Variants in AKAP12 observed in about 807,000 individuals in gnomAD.
AKAP12 encodes the protein A-kinase anchor protein 12.
In AKAP12, 32 loss-of-function variants were observed where a neutral mutation model predicts 79.9. That is an observed-to-expected ratio of 0.40 (90% CI 0.30 to 0.54). The LOEUF is 0.54. Ranked by LOEUF, AKAP12 falls within the 20% of genes least tolerant of loss-of-function variation. The pLI, the probability that AKAP12 is intolerant of heterozygous loss-of-function variation, is 0.48. For missense variants in AKAP12, 2,074 were observed against 2,177.0 expected, an observed-to-expected ratio of 0.95 and a Z score of 0.94; for synonymous variants, 808 against 857.0, an observed-to-expected ratio of 0.94 and a Z score of 1.00.
rs759786862 is a variant in AKAP12, at chr6:151,353,094, C to T, written c.4703C>T (p.Ala1568Val). Residue 1568 changes from alanine to valine, a missense_variant, in exon 4 of 5, where the codon GCC (alanine) becomes GTC (valine). Ala to Val is a moderately conservative substitution (Grantham distance 64). This residue lies in a region of AKAP12 where 614 missense variants were observed against 665.6 expected (regional missense o/e 0.92). Coordinates refer to ENST00000402676, the MANE Select transcript of AKAP12 (RefSeq NM_005100.4). ...VDQFVRTEET[A>V]TEMLTSELQT... is the part of the protein sequence containing the mutation. ...CAGTTTGTACGTACAGAAGAAACAG[C>T]CACCGAAATGTTGACGTCTGAGTTA... The T allele has an allele frequency of 3.3e-5, 53 of 1,614,074 alleles. No homozygotes were observed. The South Asian group carries it at 5.3e-4, about 16-fold the overall frequency.
chr6:151,324,290 C>T (rs1777469115), intron 3 of AKAP12: 1 of 985,374 alleles, frequency 1.0e-6, no homozygotes, highest in Non-Finnish European at 1.2e-6. Context: ...CGGGTATTTG[C>T]CAGGATGTGA....
intron 2 of AKAP12, among the ~76,000 whole-genome samples, chr6:151,278,711 A>G (rs1776335116): frequency 6.6e-6 from 1 of 151,396 alleles, no homozygotes; most frequent in African/African-American, 2.4e-5. Context: ...TCTGTCACCC[A>G]GGCTGGAGTG....
At chr6:151,257,163 GAGCGTAGTACCTA>G (rs1456321397) in intron 2 of AKAP12, among the ~76,000 whole-genome samples, 1 of 152,070 alleles carries the variant, frequency 6.6e-6, no homozygotes, top group Non-Finnish European at 1.5e-5. Flanking sequence ...CCCAGGTGCT[GAGCGTAGTACCTA>G]ATAGGTAGTT....
At position 151,240,218 on chromosome 6, in the gene AKAP12, A is replaced by C. The variant is rs370979837; in HGVS notation, c.-180+159A>C. ...GAGGGCCGGGTGGGCGGCTGCCTGG[A>C]CCTGGGCTGGCGCGTCGCAGCGCCT... On this transcript the variant is annotated intron_variant, in intron 1 of 4. Transcript: ENST00000402676. 3.3e-5 allele frequency among the ~76,000 whole-genome samples: 5 copies of C among 150,886 alleles called. No homozygotes were observed. The East Asian group carries it at 1.0e-3, about 30-fold the overall frequency.
At chr6:151,290,824 G>A (rs1443895735) in intron 2 of AKAP12, among the ~76,000 whole-genome samples, 1 of 152,114 alleles carries the variant, frequency 6.6e-6, no homozygotes, top group African/African-American at 2.4e-5. Context: ...TGGTCAGGCT[G>A]GTCTTGAACT....
chr6:151,333,237 C>T (rs1166542615), intron 3 of AKAP12, among the ~76,000 whole-genome samples: 1 of 152,104 alleles, frequency 6.6e-6, no homozygotes, highest in Non-Finnish European at 1.5e-5. Flanking sequence ...GCACTGGCTG[C>T]CTGTCCTGGA....
intron 2 of AKAP12, among the ~76,000 whole-genome samples, chr6:151,256,908 C>T (rs1797310421): frequency 6.6e-6 from 1 of 150,396 alleles, no homozygotes; most frequent in African/African-American, 2.5e-5. Flanking sequence ...CTCGGCCTCC[C>T]AACGTGTTGG....
Position 151,351,668 on chromosome 6 carries a change from G to A in AKAP12, c.3277G>A (p.Val1093Met). Residue 1093 changes from valine to methionine, a missense_variant, in exon 4 of 5, where the codon GTG (valine) becomes ATG (methionine). Around this residue, in one of 3 missense-constraint regions of AKAP12, gnomAD observed 1,428 missense variants for 1,451.0 expected, o/e 0.98. Coordinates refer to ENST00000402676, the MANE Select transcript of AKAP12 (RefSeq NM_005100.4). This position sits in a 1 kb window ranked among gnomAD's most constrained non-coding sequence, Gnocchi z 4.4. ...ASGLKKETDV[V>M]LKVDAQEAKT... ...GGGTCTGAAGAAAGAGACGGATGTAGTGTTGAAAGTAGATGCTCAGGAGGC... is the reference window on the plus strand; with the variant it reads ...GGGTCTGAAGAAAGAGACGGATGTAATGTTGAAAGTAGATGCTCAGGAGGC... The A allele has an allele frequency of 1.9e-6, 3 of 1,614,222 alleles. No individual in the cohort carries two copies. Among genetic ancestry groups the A allele is most frequent in the Non-Finnish European group, 2.5e-6 (3 of 1,180,054 alleles).
Position 151,304,175 on chromosome 6 carries a change from A to G in AKAP12, c.163-1572A>G, listed in dbSNP as rs970401628. On this transcript the variant is annotated intron_variant, in intron 2 of 4. Transcript: ENST00000402676. The stretch of plus-strand genomic sequence containing the variant: ...CTATTGGCTTAAAATTTTTTTACCT[A>G]TATTCTCAGGATTAAAAATACGACC... 4.6e-4 allele frequency among the ~76,000 whole-genome samples: 70 copies of G among 152,062 alleles called. 4 individuals are homozygous for G. The highest frequency in any genetic ancestry group is 1.2e-4 in the Non-Finnish European group (8 of 68,016).
intron 2 of AKAP12, among the ~76,000 whole-genome samples, chr6:151,291,200 C>T (rs2114736796): frequency 6.6e-6 from 1 of 152,258 alleles, no homozygotes; most frequent in Non-Finnish European, 1.5e-5. Flanking sequence ...TTGGAAACTA[C>T]TAATATGTGG....
intron 2 of AKAP12, among the ~76,000 whole-genome samples, chr6:151,277,898 G>A (rs759992334): frequency 2.0e-5 from 3 of 151,886 alleles, no homozygotes; most frequent in Non-Finnish European, 4.4e-5. Context: ...CGTAAGACAT[G>A]TTACGTCTTC....
chr6:151,263,664 C>T (rs1048568921), intron 2 of AKAP12, among the ~76,000 whole-genome samples: 11 of 152,176 alleles, frequency 7.2e-5, no homozygotes, highest in East Asian at 3.9e-4. Flanking sequence ...CTGCAACTTC[C>T]GCCTCCTGGG....
chr6:151,254,633 G>A (rs556698046), intron 2 of AKAP12, among the ~76,000 whole-genome samples: 3 of 152,122 alleles, frequency 2.0e-5, no homozygotes, highest in Non-Finnish European at 4.4e-5. Flanking sequence ...GAACCACTGC[G>A]CCTGGCCTTA....
intron 3 of AKAP12, among the ~76,000 whole-genome samples, chr6:151,334,828 G>T (rs1046097348): frequency 1.3e-5 from 2 of 151,796 alleles, no homozygotes; most frequent in Non-Finnish European, 1.5e-5. Flanking sequence ...TTTCTCCGTG[G>T]TAGCCAGGAT....
rs746735062 is a variant in AKAP12, at chr6:151,352,241, C to T, written c.3850C>T (p.Leu1284Phe). 1 of 1,614,096 alleles carries T rather than the reference C, an allele frequency of 6.2e-7. No individual in the cohort carries two copies. Among genetic ancestry groups the T allele is most frequent in the Non-Finnish European group, 8.5e-7 (1 of 1,180,024 alleles). The change falls in exon 4 of 5, where the codon CTT becomes TTT. Residue 1284 changes from leucine to phenylalanine, a missense_variant. Leu to Phe is a conservative substitution (Grantham distance 22). This residue lies in a region of AKAP12 where 614 missense variants were observed against 665.6 expected (regional missense o/e 0.92). Transcript: ENST00000402676. ...KTKDVPFFEG[L>F]EGSIDTGITV... Reference sequence around the variant, plus strand: ...CAAAGACGTACCATTTTTCGAAGGACTTGAGGGGTCTATAGACACAGGCAT... The same window carrying T: ...CAAAGACGTACCATTTTTCGAAGGATTTGAGGGGTCTATAGACACAGGCAT...
Position 151,357,517 on chromosome 6 carries a change from C to G in AKAP12, c.*1803C>G, listed in dbSNP as rs1778471268. On this transcript the variant is annotated 3_prime_UTR_variant, in exon 5 of 5. Transcript: ENST00000402676. The stretch of plus-strand genomic sequence containing the variant: ...TTGCTTTTAAAACTGAAAGTAGTTT[C>G]TTTTTGCTAACAAATCTAACTTCAT... The G allele has an allele frequency of 6.6e-6, 1 of 152,112 alleles. No homozygotes were observed. Among genetic ancestry groups the G allele is most frequent in the Admixed American group, 6.6e-5 (1 of 15,256 alleles). 9.4% of individuals were successfully genotyped at this position (152,112 alleles called of 1,614,324 possible). A position where few individuals can be genotyped will look rare whatever the true frequency, so the allele number is the denominator to read the frequency against.
chr6:151,255,564 G>A (rs1797275536), intron 2 of AKAP12, among the ~76,000 whole-genome samples: 1 of 152,000 alleles, frequency 6.6e-6, no homozygotes, highest in Admixed American at 6.6e-5. Flanking sequence ...TTGAGAAGCC[G>A]AGGCAGGAGG....
At chr6:151,316,315 G>T (rs17081113) in intron 3 of AKAP12, among the ~76,000 whole-genome samples, 5,143 of 152,258 alleles carry the variant, frequency 0.034, 116 homozygotes, top group South Asian at 0.074. Flanking sequence ...TGAATTAATT[G>T]AGTGAACTGG....
At chr6:151,290,869 C>T (rs1025709379) in intron 2 of AKAP12, among the ~76,000 whole-genome samples, 8 of 152,194 alleles carry the variant, frequency 5.3e-5, no homozygotes, top group African/African-American at 1.7e-4. Flanking sequence ...CTCGGCCTAC[C>T]GAAGTGCTGG....
Sources: gnomAD v4.1 joint callset for allele counts (sites outside exome capture counted in the v4.1 genomes callset) on GRCh38, gnomAD v4.1.1 for gene constraint, gnomAD v4.1.1 regional missense constraint, Gnocchi (gnomAD v3.1) non-coding constraint, MANE v1.5 for transcripts, NCBI Gene and HGNC (gene_info 2026-07-23, HGNC 2026-07-21) for gene names.